Variants in LINGO2 observed in about 807,000 individuals in gnomAD.
LINGO2 encodes the protein leucine-rich repeat and immunoglobulin-like domain-containing nogo receptor-interacting protein 2.
A neutral mutation model predicts 30.6 loss-of-function variants in LINGO2; 14 were observed. The observed-to-expected ratio is 0.46, with a 90% confidence interval of 0.30 to 0.72. LINGO2 has a LOEUF of 0.72. LINGO2 is among the 30% of genes least tolerant of loss of function. The pLI, the probability that LINGO2 is intolerant of heterozygous loss-of-function variation, is 0.07. For missense variants in LINGO2, 729 were observed against 751.7 expected, an observed-to-expected ratio of 0.97 and a Z score of 0.35; for synonymous variants, 317 against 288.5, an observed-to-expected ratio of 1.10 and a Z score of -1.00.
At chr9:28,471,697 A>G (rs541372438) in intron 2 of LINGO2, among the ~76,000 whole-genome samples, 1 of 152,310 alleles carries the variant, frequency 6.6e-6, no homozygotes, top group South Asian at 2.1e-4. Context: ...GAGCTACTAG[A>G]ACTCTTATAC....
intron 1 of LINGO2, among the ~76,000 whole-genome samples, chr9:28,576,733 G>A (rs563696919): frequency 1.2e-4 from 18 of 152,190 alleles, no homozygotes; most frequent in African/African-American, 3.9e-4. Flanking sequence ...TAGGTTATTG[G>A]GGTGCAAGAG....
the LINGO2 span, among the ~76,000 whole-genome samples, chr9:28,802,258 C>A: frequency 2.6e-5 from 4 of 151,832 alleles, no homozygotes; most frequent in African/African-American, 9.7e-5. Context: ...ATTTATTATT[C>A]TTTTATAGTT....
intron 3 of LINGO2, among the ~76,000 whole-genome samples, chr9:28,333,069 T>C (rs1339880120): frequency 6.6e-6 from 1 of 152,138 alleles, no homozygotes; most frequent in Non-Finnish European, 1.5e-5. Context: ...CCAGCTGGTC[T>C]TTCCAAAAAT....
the LINGO2 span, among the ~76,000 whole-genome samples, chr9:29,095,607 T>A: frequency 2.9e-5 from 4 of 138,604 alleles, 1 homozygote; most frequent in East Asian, 1.0e-3. Context: ...CAAAAACTAT[T>A]CTTCTATCTT....
At chr9:28,662,229 G>A (rs2136013501) in intron 1 of LINGO2, among the ~76,000 whole-genome samples, 1 of 152,226 alleles carries the variant, frequency 6.6e-6, no homozygotes, top group Non-Finnish European at 1.5e-5. Context: ...TCCAGAGCGG[G>A]GCCCAATGCA....
chr9:28,148,928 C>G lies in LINGO2; in HGVS notation c.-86-136523G>C. 3 of 1,533,952 alleles carry G rather than the reference C, an allele frequency of 2.0e-6. No homozygotes were observed. The highest frequency in any genetic ancestry group is 2.6e-6 in the Non-Finnish European group (3 of 1,146,652). On this transcript the variant is annotated intron_variant, in intron 4 of 5. Coordinates refer to ENST00000379992, the Ensembl canonical transcript of LINGO2. The surrounding 1 kb of genome is among the most constrained non-coding windows in gnomAD (Gnocchi z 5.1). ...TCTTGGGTCAAGTAGGTCTTCTCCA[C>G]ACAGAGCTGCCGGCCACAGTTCCCA...
intron 3 of LINGO2, among the ~76,000 whole-genome samples, chr9:28,312,744 T>C (rs1336840697): frequency 6.6e-6 from 1 of 152,132 alleles, no homozygotes; most frequent in Non-Finnish European, 1.5e-5. Flanking sequence ...CAACATGAAA[T>C]AAAATCAGTA....
intron 1 of LINGO2, among the ~76,000 whole-genome samples, chr9:28,512,591 GTGTATATA>G (rs1227611754): frequency 5.7e-4 from 9 of 15,826 alleles, no homozygotes; most frequent in African/African-American, 2.1e-3. Flanking sequence ...ATATATATGT[GTGTATATA>G]TATATATATA....
chr9:28,513,434 A>G (rs1751243431), intron 1 of LINGO2, among the ~76,000 whole-genome samples: 1 of 152,332 alleles, frequency 6.6e-6, no homozygotes, highest in East Asian at 1.9e-4. Context: ...TTTAGGGTAC[A>G]GCTATATAAT....
intron 3 of LINGO2, among the ~76,000 whole-genome samples, chr9:28,322,393 C>A (rs143959717): frequency 0.01 from 1,526 of 150,852 alleles, 12 homozygotes; most frequent in Non-Finnish European, 0.015. Context: ...GAATAGTAAG[C>A]CTCTTTTGCA....
chr9:29,077,861 G>A, the LINGO2 span, among the ~76,000 whole-genome samples: 10 of 151,886 alleles, frequency 6.6e-5, no homozygotes, highest in African/African-American at 2.2e-4. Context: ...TATAAAGCCT[G>A]GAGAGAAGAA....
the LINGO2 span, among the ~76,000 whole-genome samples, chr9:28,918,464 A>G: frequency 6.6e-6 from 1 of 152,158 alleles, no homozygotes; most frequent in Non-Finnish European, 1.5e-5. Context: ...AACTTCCAGG[A>G]AAGTCCTTTT....
chr9:28,550,569 C>G (rs755433428), intron 1 of LINGO2, among the ~76,000 whole-genome samples: 13 of 151,588 alleles, frequency 8.6e-5, no homozygotes, highest in African/African-American at 1.2e-4. Context: ...TGTCAGGGTG[C>G]CATTTCTCCT....
chr9:28,941,781 T>C, the LINGO2 span, among the ~76,000 whole-genome samples: 5 of 152,182 alleles, frequency 3.3e-5, no homozygotes, highest in South Asian at 2.1e-4. Context: ...TTTAAGTACA[T>C]GTTCCTTAAA....
At chr9:28,093,725 G>A (rs778297981) in intron 4 of LINGO2, among the ~76,000 whole-genome samples, 2 of 151,998 alleles carry the variant, frequency 1.3e-5, no homozygotes, top group African/African-American at 4.8e-5. Context: ...TGCCATTAGA[G>A]TGTCTTTCTC....
chr9:28,943,421 A>G, the LINGO2 span, among the ~76,000 whole-genome samples: 1 of 152,290 alleles, frequency 6.6e-6, no homozygotes, highest in East Asian at 1.9e-4. Context: ...CAGGTGACGG[A>G]TTGAGTGAAG....
chr9:27,969,313 T>C (rs1440203994), intron 5 of LINGO2, among the ~76,000 whole-genome samples: 2 of 152,098 alleles, frequency 1.3e-5, no homozygotes, highest in Non-Finnish European at 2.9e-5. Flanking sequence ...TACAACTAGG[T>C]GAACACTTAG....
Position 28,161,560 on chromosome 9 carries a change from G to A in LINGO2, c.-87+133648C>T, listed in dbSNP as rs149488375. Among the ~76,000 whole-genome samples the A allele has an allele frequency of 7.3e-3, 1,104 of 152,136 alleles. 15 individuals carry two copies. The highest frequency in any genetic ancestry group is 0.025 in the African/African-American group (1,057 of 41,520). On this transcript the variant is annotated intron_variant, in intron 4 of 5. Transcript: ENST00000379992. ...TTTTATTGATGGAAAAAATAAGAAA[G>A]AGAAACTGAGTGAGCCTCTTAAGGG... is the stretch of plus-strand genomic sequence containing the variant.
chr9:28,388,166 G>A (rs2134671890), intron 2 of LINGO2, among the ~76,000 whole-genome samples: 1 of 152,246 alleles, frequency 6.6e-6, no homozygotes, highest in African/African-American at 2.4e-5. Flanking sequence ...TGTTTTTAAA[G>A]TTTGTGTAAC....
Sources: gnomAD v4.1 joint callset for allele counts (sites outside exome capture counted in the v4.1 genomes callset) on GRCh38, gnomAD v4.1.1 for gene constraint, Gnocchi (gnomAD v3.1) non-coding constraint, MANE v1.5 for transcripts, NCBI Gene and HGNC (gene_info 2026-07-23, HGNC 2026-07-21) for gene names.